Variants in RYR2 observed in about 807,000 individuals in gnomAD.
RYR2 encodes cardiac muscle ryanodine receptor-calcium release channel.
In RYR2, 227 loss-of-function variants were observed where a neutral mutation model predicts 601.1. That is an observed-to-expected ratio of 0.38 (90% CI 0.34 to 0.42). The LOEUF is 0.42. Among genes scored for constraint, RYR2 ranks in the 10% least tolerant of loss-of-function variants. The pLI, the probability that RYR2 is intolerant of heterozygous loss-of-function variation, is 1.00. For synonymous variants in RYR2, 2,223 were observed against 2,175.1 expected, an observed-to-expected ratio of 1.02 and a Z score of -0.61; for missense variants, 4,646 against 6,156.5, an observed-to-expected ratio of 0.75 and a Z score of 8.21.
intron 33 of RYR2, among the ~76,000 whole-genome samples, chr1:237,594,891 T>TTTTG (rs1395413663): frequency 2.7e-4 from 4 of 14,590 alleles, no homozygotes; most frequent in African/African-American, 4.7e-4. Flanking sequence ...ACTGGGTTTT[T>TTTTG]TTTTTTTTTT....
intron 88 of RYR2, among the ~76,000 whole-genome samples, chr1:237,779,554 C>A (rs1035948063): frequency 1.3e-5 from 2 of 152,104 alleles, no homozygotes; most frequent in South Asian, 4.1e-4. Flanking sequence ...CTTGTTCCAC[C>A]CGTGTGGGCC....
chr1:237,142,929 A>G (rs557054390), intron 1 of RYR2, among the ~76,000 whole-genome samples: 1 of 152,300 alleles, frequency 6.6e-6, no homozygotes, highest in Admixed American at 6.5e-5. Flanking sequence ...ACTGGGAAAG[A>G]CATGCATTAG....
intron 1 of RYR2, among the ~76,000 whole-genome samples, chr1:237,269,416 C>T (rs1235826849): frequency 6.6e-6 from 1 of 151,780 alleles, no homozygotes; most frequent in African/African-American, 2.4e-5. Flanking sequence ...GTCTTTATTC[C>T]CATCACCTCT....
intron 3 of RYR2, among the ~76,000 whole-genome samples, chr1:237,334,859 G>A (rs1364158149): frequency 6.6e-6 from 1 of 152,164 alleles, no homozygotes; most frequent in Non-Finnish European, 1.5e-5. Context: ...GGGGTTTATT[G>A]TCTTAGAGAA....
intron 56 of RYR2, among the ~76,000 whole-genome samples, chr1:237,662,344 GA>G (rs1472465155): frequency 6.6e-6 from 1 of 151,750 alleles, no homozygotes; most frequent in Non-Finnish European, 1.5e-5. Flanking sequence ...TAGATAATAA[GA>G]ATACAAAGAT....
intron 25 of RYR2, among the ~76,000 whole-genome samples, chr1:237,546,156 A>T (rs2148067299): frequency 6.6e-6 from 1 of 152,240 alleles, no homozygotes; most frequent in Non-Finnish European, 1.5e-5. Flanking sequence ...TGGCTTCTTT[A>T]TTAAAAAACA....
chr1:237,830,456 C>G, intron 102 of RYR2, 74 bp from the exon 103 acceptor site: 1 of 878,498 alleles, frequency 1.1e-6, no homozygotes, highest in East Asian at 2.4e-5. Flanking sequence ...ATAGCTGCCC[C>G]TACATGGCGA....
intron 25 of RYR2, among the ~76,000 whole-genome samples, chr1:237,537,369 G>C (rs1357645605): frequency 6.6e-6 from 1 of 152,076 alleles, no homozygotes; most frequent in Non-Finnish European, 1.5e-5. Flanking sequence ...TGTCACCCAG[G>C]CTGGAGTGCA....
intron 1 of RYR2, among the ~76,000 whole-genome samples, chr1:237,117,819 C>T (rs1468122124): frequency 6.6e-6 from 1 of 152,042 alleles, no homozygotes; most frequent in East Asian, 1.9e-4. Context: ...AATCTCGGCT[C>T]ACTGCAAGCT....
chr1:237,248,277 A>ACCCCCCCCCCCCCCCCCC (rs1215094555), intron 1 of RYR2, among the ~76,000 whole-genome samples: 2 of 6,890 alleles, frequency 2.9e-4, no homozygotes, highest in African/African-American at 5.0e-4. Flanking sequence ...ACCCCCCGCA[A>ACCCCCCCCCCCCCCCCCC]CCCCGCCCCC....
At chr1:237,111,014 T>C (rs1669408118) in intron 1 of RYR2, among the ~76,000 whole-genome samples, 1 of 152,182 alleles carries the variant, frequency 6.6e-6, no homozygotes, top group African/African-American at 2.4e-5. Context: ...CCTCTGGTAC[T>C]GGGCCACTGG....
chr1:237,629,259 A>G (rs931023939), intron 41 of RYR2, among the ~76,000 whole-genome samples: 1 of 152,136 alleles, frequency 6.6e-6, no homozygotes, highest in African/African-American at 2.4e-5. Flanking sequence ...TACTCAGGTG[A>G]TGGTACAACC....
At chr1:237,494,926 G>A (rs1232760424) in intron 19 of RYR2, among the ~76,000 whole-genome samples, 1 of 151,962 alleles carries the variant, frequency 6.6e-6, no homozygotes, top group Non-Finnish European at 1.5e-5. Flanking sequence ...GAGTAGCTGG[G>A]ATTACAGGTG....
intron 1 of RYR2, among the ~76,000 whole-genome samples, chr1:237,246,819 T>C (rs1223403403): frequency 2.0e-5 from 3 of 152,344 alleles, no homozygotes; most frequent in African/African-American, 7.2e-5. Context: ...GATTTGTTTC[T>C]GATGATTTAT....
intron 54 of RYR2, among the ~76,000 whole-genome samples, chr1:237,659,623 T>G (rs1465936080): frequency 6.6e-6 from 1 of 152,214 alleles, no homozygotes; most frequent in Non-Finnish European, 1.5e-5. Context: ...CATGCATCCC[T>G]CTAGCCTCCT....
chr1:237,412,244 T>C (rs1234625695), intron 10 of RYR2, among the ~76,000 whole-genome samples: 4 of 152,148 alleles, frequency 2.6e-5, no homozygotes, highest in Non-Finnish European at 1.5e-5. Flanking sequence ...ATAATACTTA[T>C]GAGCAGCGGA....
At chr1:237,197,007 G>A (rs960622200) in intron 1 of RYR2, among the ~76,000 whole-genome samples, 6 of 152,012 alleles carry the variant, frequency 3.9e-5, no homozygotes, top group Non-Finnish European at 5.9e-5. Flanking sequence ...ATTCTTAAGT[G>A]TGTCATTTTT....
At chr1:237,471,739 C>T (rs1355260640) in intron 17 of RYR2, among the ~76,000 whole-genome samples, 4 of 152,212 alleles carry the variant, frequency 2.6e-5, no homozygotes. Flanking sequence ...ACAGTTTCAT[C>T]AGATACAAAT....
At chr1:237,764,402 A>ATTTTTTT (rs59485547) in intron 84 of RYR2, among the ~76,000 whole-genome samples, 1 of 69,964 alleles carries the variant, frequency 1.4e-5, no homozygotes, top group African/African-American at 5.7e-5. Context: ...CTTAGGTAGC[A>ATTTTTTT]TTTTTTTTTT....
Sources: gnomAD v4.1 joint callset for allele counts (sites outside exome capture counted in the v4.1 genomes callset) on GRCh38, gnomAD v4.1.1 for gene constraint, MANE v1.5 for transcripts, NCBI Gene and HGNC (gene_info 2026-07-23, HGNC 2026-07-21) for gene names.